KCNH8: variants seen among roughly 807,000 people sequenced by gnomAD.
The protein encoded by KCNH8 is voltage-gated delayed rectifier potassium channel KCNH8.
In KCNH8, 70 loss-of-function variants were observed where a neutral mutation model predicts 103.6. The observed-to-expected ratio is 0.68, with a 90% CI of 0.56 to 0.82. KCNH8 has a LOEUF of 0.82. Among genes scored for constraint, KCNH8 ranks in the 40% least tolerant of loss-of-function variants. The pLI, the probability that KCNH8 is intolerant of heterozygous loss-of-function variation, is 0.00. For missense variants in KCNH8, 1,217 were observed against 1,329.9 expected (o/e 0.92, Z 1.32); for synonymous variants, 498 against 489.4 (o/e 1.02, Z -0.23).
At chr3:19,319,198 G>A (rs937323063) in intron 3 of KCNH8, among the ~76,000 whole-genome samples, 16 of 151,826 alleles carry the variant, frequency 1.1e-4, no homozygotes, top group African/African-American at 1.9e-4. Flanking sequence ...CTTTGTTTTT[G>A]TTGCATTTGC....
intron 11 of KCNH8, among the ~76,000 whole-genome samples, chr3:19,463,010 G>A (rs1222989052): frequency 1.3e-5 from 2 of 152,058 alleles, no homozygotes; most frequent in African/African-American, 2.4e-5. Context: ...TACTAAATAT[G>A]TACACACGTT....
chr3:19,294,930 A>G (rs940260131), intron 3 of KCNH8, among the ~76,000 whole-genome samples: 6 of 152,170 alleles, frequency 3.9e-5, no homozygotes, highest in Non-Finnish European at 7.3e-5. Context: ...CCTCGGACAA[A>G]ACTTTCTGAA....
chr3:19,533,139 G>A (rs1286118244), intron 15 of KCNH8, among the ~76,000 whole-genome samples: 1 of 150,734 alleles, frequency 6.6e-6, no homozygotes, highest in Non-Finnish European at 1.5e-5. Context: ...GGGAGGTGGA[G>A]CTTGCAGTGA....
chr3:19,489,545 G>T (rs536553786), intron 11 of KCNH8, among the ~76,000 whole-genome samples: 1 of 152,162 alleles, frequency 6.6e-6, no homozygotes, highest in East Asian at 1.9e-4. Flanking sequence ...GATGGCCAAC[G>T]TACCTGTAAT....
Position 19,533,772 on chromosome 3 carries a change from G to A in KCNH8, c.2997G>A (p.Gln999=). 1 of 1,614,128 alleles carries A rather than the reference G, an allele frequency of 6.2e-7. No homozygotes were observed. The highest frequency in any genetic ancestry group is 8.5e-7 in the Non-Finnish European group (1 of 1,180,002). ...PSLDYSPSHY[Q]VVQEGHLQFL... ...TTGATTATTCACCTTCCCACTACCA[G>A]GTTGTCCAAGAAGGTCATTTGCAAT... Residue 999 remains glutamine, a synonymous_variant, in exon 16 of 16, where the codon CAG becomes CAA. Coordinates refer to ENST00000328405, the MANE Select transcript of KCNH8 (RefSeq NM_144633.3).
At chr3:19,353,003 A>G (rs1172912078) in intron 5 of KCNH8, among the ~76,000 whole-genome samples, 1 of 152,140 alleles carries the variant, frequency 6.6e-6, no homozygotes, top group Non-Finnish European at 1.5e-5. Context: ...CTAATAAAGA[A>G]GAAAAGAGAG....
At chr3:19,499,994 C>T (rs1293093121) in intron 11 of KCNH8, among the ~76,000 whole-genome samples, 1 of 152,028 alleles carries the variant, frequency 6.6e-6, no homozygotes, top group Non-Finnish European at 1.5e-5. Flanking sequence ...CACAGACTGG[C>T]AAATTGGATG....
chr3:19,474,150 G>C (rs2067920644), intron 11 of KCNH8, among the ~76,000 whole-genome samples: 1 of 151,988 alleles, frequency 6.6e-6, no homozygotes, highest in Admixed American at 6.6e-5. Context: ...TTTAGTGCAT[G>C]GTATGATTAA....
At chr3:19,383,561 C>T (rs992533292) in intron 5 of KCNH8, among the ~76,000 whole-genome samples, 11 of 152,022 alleles carry the variant, frequency 7.2e-5, no homozygotes, top group Admixed American at 2.6e-4. Flanking sequence ...TTAATAGAGA[C>T]GGGGTTTCAC....
At chr3:19,283,735 G>A (rs1217462231) in intron 3 of KCNH8, among the ~76,000 whole-genome samples, 1 of 151,208 alleles carries the variant, frequency 6.6e-6, no homozygotes, top group South Asian at 2.1e-4. Context: ...GAGCAACATA[G>A]GGAGACTCTG....
At chr3:19,364,569 A>G (rs902696547) in intron 5 of KCNH8, among the ~76,000 whole-genome samples, 1 of 152,132 alleles carries the variant, frequency 6.6e-6, no homozygotes, top group Non-Finnish European at 1.5e-5. Flanking sequence ...CTGCGTATAT[A>G]GCAATAATTA....
chr3:19,482,674 T>A (rs2068112246), intron 11 of KCNH8, among the ~76,000 whole-genome samples: 1 of 152,354 alleles, frequency 6.6e-6, no homozygotes. Context: ...ATTAAATCCA[T>A]GCCACACTTG....
chr3:19,278,253 T>C (rs1467802961), intron 2 of KCNH8, among the ~76,000 whole-genome samples: 7 of 152,100 alleles, frequency 4.6e-5, no homozygotes, highest in Admixed American at 2.6e-4. Flanking sequence ...GCTTTTGGCA[T>C]CTATTATCTT....
chr3:19,261,209 C>T (rs1192149942), intron 2 of KCNH8, among the ~76,000 whole-genome samples: 2 of 151,614 alleles, frequency 1.3e-5, no homozygotes, highest in Non-Finnish European at 1.5e-5. Flanking sequence ...AATCTACATT[C>T]CTACCAACAG....
intron 1 of KCNH8, among the ~76,000 whole-genome samples, chr3:19,189,551 CTT>C (rs1456383945): frequency 6.6e-6 from 1 of 151,822 alleles, no homozygotes; most frequent in African/African-American, 2.4e-5. Context: ...CATAGTATGA[CTT>C]GGTTTTCTTA....
chr3:19,520,175 A>G (rs1416618483), intron 15 of KCNH8, among the ~76,000 whole-genome samples: 1 of 151,498 alleles, frequency 6.6e-6, no homozygotes, highest in Non-Finnish European at 1.5e-5. Context: ...GGTTTGCTGT[A>G]CCTATCAACC....
At chr3:19,390,151 A>G (rs943892185) in intron 5 of KCNH8, among the ~76,000 whole-genome samples, 11 of 152,124 alleles carry the variant, frequency 7.2e-5, no homozygotes, top group Admixed American at 1.3e-4. Context: ...TGCTATTGCT[A>G]CGATTATTTA....
chr3:19,148,897 A>G (rs1358666258), intron 1 of KCNH8, 102 bp downstream of exon 1: 2 of 1,048,890 alleles, frequency 1.9e-6, no homozygotes, highest in Non-Finnish European at 3.0e-6. Context: ...CAGCGGAGTG[A>G]ATTTTCTTCT....
intron 15 of KCNH8, among the ~76,000 whole-genome samples, chr3:19,529,861 A>G (rs575267954): frequency 3.9e-5 from 6 of 152,260 alleles, no homozygotes; most frequent in African/African-American, 1.4e-4. Context: ...CCTAACATAA[A>G]TTGATTATTT....
Sources: allele counts gnomAD v4.1 joint callset (sites outside exome capture counted in the v4.1 genomes callset), GRCh38; gene constraint gnomAD v4.1.1; transcripts MANE v1.5; gene names NCBI Gene and HGNC (gene_info 2026-07-23, HGNC 2026-07-21).